The following CHLSN variants were observed in gnomAD, a reference collection of about 807,000 sequenced individuals.
CHLSN encodes cholesin.
the CHLSN span, among the ~76,000 whole-genome samples, chr7:1,095,371 T>C: frequency 7.2e-6 from 1 of 138,600 alleles, no homozygotes; most frequent in African/African-American, 2.7e-5. Context: ...CCGGGCACTC[T>C]CTTTACAAGA....
At chr7:995,025 G>C in the CHLSN span, among the ~76,000 whole-genome samples, 3 of 152,244 alleles carry the variant, frequency 2.0e-5, no homozygotes, top group African/African-American at 7.2e-5. Flanking sequence ...CGTGAGGGTC[G>C]TCTCCAGGCT....
chr7:1,068,280 C>T, the CHLSN span, among the ~76,000 whole-genome samples: 1 of 152,144 alleles, frequency 6.6e-6, no homozygotes, highest in Non-Finnish European at 1.5e-5. Context: ...AGGCTGGAAC[C>T]CAGGTGTCAG....
At chr7:1,096,863 C>G in the CHLSN span, among the ~76,000 whole-genome samples, 2 of 152,236 alleles carry the variant, frequency 1.3e-5, no homozygotes, top group East Asian at 3.9e-4. This position sits in a 1 kb window ranked among gnomAD's most constrained non-coding sequence, Gnocchi z 4.6. Flanking sequence ...GCCCACTCAC[C>G]TGCAGTCTTG....
the CHLSN span, among the ~76,000 whole-genome samples, chr7:1,084,301 C>T: frequency 1.5e-3 from 223 of 152,314 alleles, no homozygotes; most frequent in African/African-American, 4.9e-3. Flanking sequence ...GATGCCCTCC[C>T]GGGGGCGTGG....
chr7:1,093,026 G>A, the CHLSN span: 44 of 726,740 alleles, frequency 6.1e-5, no homozygotes, highest in Middle Eastern at 6.8e-4. Flanking sequence ...GGCTGCTTAG[G>A]AAACCTCACG....
the CHLSN span, among the ~76,000 whole-genome samples, chr7:1,099,024 T>C: frequency 6.6e-6 from 1 of 152,280 alleles, no homozygotes; most frequent in Non-Finnish European, 1.5e-5. Flanking sequence ...CAGTACCCAT[T>C]CAAGCGCCGG....
the CHLSN span, among the ~76,000 whole-genome samples, chr7:1,016,802 G>C: frequency 4.8e-4 from 31 of 64,008 alleles, 1 homozygote; most frequent in African/African-American, 1.9e-3. Flanking sequence ...GCAGCACACA[G>C]CAGCACACAC....
At chr7:1,079,251 C>T in the CHLSN span, among the ~76,000 whole-genome samples, 5 of 152,328 alleles carry the variant, frequency 3.3e-5, no homozygotes, top group South Asian at 4.1e-4. Flanking sequence ...TGCGGAGGGG[C>T]GGCCACAGAC....
chr7:1,130,315 G>A, the CHLSN span, among the ~76,000 whole-genome samples: 1 of 152,348 alleles, frequency 6.6e-6, no homozygotes, highest in African/African-American at 2.4e-5. Flanking sequence ...GAGGGGCTGG[G>A]ATAGCAGGCC....
the CHLSN span, among the ~76,000 whole-genome samples, chr7:1,061,985 C>T: frequency 9.9e-5 from 15 of 152,182 alleles, no homozygotes; most frequent in Non-Finnish European, 1.6e-4. Flanking sequence ...CTGCTTAATT[C>T]TTCCAGGCAG....
the CHLSN span, among the ~76,000 whole-genome samples, chr7:1,136,491 A>AACATATATATGAAC: frequency 8.6e-6 from 1 of 116,854 alleles, no homozygotes. Context: ...AACATATATA[A>AACATATATATGAAC]ACATATAAAT....
chr7:1,054,122 G>A, the CHLSN span, among the ~76,000 whole-genome samples: 3 of 152,338 alleles, frequency 2.0e-5, no homozygotes, highest in Non-Finnish European at 2.9e-5. Context: ...GTCCCCCAGA[G>A]CCCACGGAGC....
At chr7:1,103,699 C>T in the CHLSN span, among the ~76,000 whole-genome samples, 31 of 152,342 alleles carry the variant, frequency 2.0e-4, no homozygotes, top group Admixed American at 7.2e-4. Flanking sequence ...AAACCAACAG[C>T]GACGTCCCCA....
chr7:1,006,443 A>C, the CHLSN span, among the ~76,000 whole-genome samples: 2 of 148,634 alleles, frequency 1.3e-5, no homozygotes, highest in African/African-American at 5.0e-5. Context: ...CAGCGCAGGG[A>C]AAGAGCACAC....
the CHLSN span, among the ~76,000 whole-genome samples, chr7:1,075,762 G>A: frequency 1.2e-3 from 175 of 151,590 alleles, no homozygotes; most frequent in Middle Eastern, 6.8e-3. Flanking sequence ...ACAGGTGCCC[G>A]CCACCACTCC....
chr7:1,034,328 C>T, the CHLSN span, among the ~76,000 whole-genome samples: 22 of 151,298 alleles, frequency 1.5e-4, no homozygotes, highest in Non-Finnish European at 2.4e-4. Context: ...ACAGCAGAGT[C>T]AAGACATAAA....
chr7:1,106,746 G>A, the CHLSN span, among the ~76,000 whole-genome samples: 3 of 152,256 alleles, frequency 2.0e-5, no homozygotes, highest in Non-Finnish European at 2.9e-5. Context: ...GGTGCTGCCG[G>A]AGGGAATCCC....
the CHLSN span, chr7:1,093,293 C>T: frequency 9.3e-6 from 4 of 429,432 alleles, no homozygotes; most frequent in African/African-American, 4.1e-5. Context: ...GGGGAACTGA[C>T]GCTGGAGATG....
chr7:1,053,633 G>T, the CHLSN span, among the ~76,000 whole-genome samples: 1 of 152,198 alleles, frequency 6.6e-6, no homozygotes, highest in Non-Finnish European at 1.5e-5. Context: ...TTCGAGATCA[G>T]CCTGGCCAAC....
Sources: allele counts gnomAD v4.1 joint callset (sites outside exome capture counted in the v4.1 genomes callset), GRCh38; gene constraint gnomAD v4.1.1; non-coding constraint Gnocchi (gnomAD v3.1); transcripts MANE v1.5; gene names NCBI Gene and HGNC (gene_info 2026-07-23, HGNC 2026-07-21).